The following CALN1 variants were observed in gnomAD, a reference collection of about 807,000 sequenced individuals.
CALN1 encodes calcium-binding protein 8.
CALN1 carries 17 observed loss-of-function variants against 30.6 expected under a neutral mutation model. The ratio of observed to expected loss-of-function variants is 0.56; its 90% CI spans 0.38 to 0.83. The LOEUF (loss-of-function observed/expected upper bound fraction) is 0.83. Among genes scored for constraint, CALN1 ranks in the 40% least tolerant of loss-of-function variants. The probability of loss-of-function intolerance (pLI) is 0.00; values close to 1 mark genes in which losing one functional copy is unlikely to be tolerated. For synonymous variants in CALN1, 156 were observed against 131.4 expected (o/e 1.19, Z -1.28); for missense variants, 291 against 354.9 (o/e 0.82, Z 1.45).
At chr7:72,005,471 G>C (rs1335031717) in intron 5 of CALN1, among the ~76,000 whole-genome samples, 2 of 151,986 alleles carry the variant, frequency 1.3e-5, no homozygotes, top group Admixed American at 1.3e-4. Context: ...TGGGACTACA[G>C]GCACACACCA....
At chr7:72,004,640 C>T (rs943190289) in intron 5 of CALN1, among the ~76,000 whole-genome samples, 1 of 151,550 alleles carries the variant, frequency 6.6e-6, no homozygotes, top group Admixed American at 6.6e-5. Flanking sequence ...ACATATCTGA[C>T]CAAGGAGTAG....
In CALN1 at chr7:72,361,969, T is replaced by C. The variant is rs62463226; in HGVS notation, c.119+41282A>G. On this transcript the variant is annotated intron_variant, in intron 2 of 6. Transcript: ENST00000395275. ...TTTTTTTCTTACGCAGTTTTATTCATAATTTTTTTAATGCGAGTTCTAGAT... is the reference window on the plus strand; with the variant it reads ...TTTTTTTCTTACGCAGTTTTATTCACAATTTTTTTAATGCGAGTTCTAGAT... Among the ~76,000 whole-genome samples the C allele has an allele frequency of 5.6e-3, 854 of 152,306 alleles. 2 individuals are homozygous for C. The highest frequency in any genetic ancestry group is 9.0e-3 in the Non-Finnish European group (615 of 68,014).
At chr7:72,445,370 C>T (rs142470830) in intron 1 of CALN1, among the ~76,000 whole-genome samples, 43 of 152,160 alleles carry the variant, frequency 2.8e-4, no homozygotes, top group African/African-American at 9.4e-4. Flanking sequence ...GGCCTCAGTC[C>T]GCTTCTACCC....
chr7:72,207,173 A>G (rs1473559775), intron 3 of CALN1, among the ~76,000 whole-genome samples: 3 of 152,134 alleles, frequency 2.0e-5, no homozygotes, highest in African/African-American at 7.2e-5. Context: ...GTCTTTCTAC[A>G]TTTACGCATC....
At position 72,027,726 on chromosome 7, in the gene CALN1, A is replaced by C. The variant is rs867337428; in HGVS notation, c.389-3957T>G. 5.9e-3 allele frequency among the ~76,000 whole-genome samples: 842 copies of C among 143,296 alleles called. 3 individuals are homozygous for C. Among genetic ancestry groups the C allele is most frequent in the Middle Eastern group, 0.038 (10 of 262 alleles). The allele number at this position is 143,296 out of a possible 152,430, so 94.0% of individuals were successfully genotyped here. A position where few individuals can be genotyped will look rare whatever the true frequency, so the allele number is the denominator to read the frequency against. On this transcript the variant is annotated intron_variant, in intron 4 of 6. Transcript: ENST00000395275. ...GACCCTGTCTCAAAACAAACAAACA[A>C]ACACACACACACACACACACACACA...
At chr7:72,070,921 G>C (rs1160397906) in intron 4 of CALN1, among the ~76,000 whole-genome samples, 1 of 152,152 alleles carries the variant, frequency 6.6e-6, no homozygotes, top group Non-Finnish European at 1.5e-5. Flanking sequence ...AGGCTTAATT[G>C]AGTTCACCCA....
chr7:72,193,232 G>A (rs113229017), intron 3 of CALN1, among the ~76,000 whole-genome samples: 7,158 of 151,944 alleles, frequency 0.047, 250 homozygotes, highest in African/African-American at 0.095. Flanking sequence ...ATGTGTGGTG[G>A]TGCACAACTG....
intron 3 of CALN1, among the ~76,000 whole-genome samples, chr7:72,122,296 T>C (rs1402668488): frequency 6.6e-6 from 1 of 152,186 alleles, no homozygotes; most frequent in African/African-American, 2.4e-5. Context: ...AAAATCATTT[T>C]GTGGATTTAG....
chr7:72,029,818 T>C (rs142139524), intron 4 of CALN1, among the ~76,000 whole-genome samples: 1 of 152,354 alleles, frequency 6.6e-6, no homozygotes, highest in East Asian at 1.9e-4. Context: ...TATTCTTTTC[T>C]AACAAATGGG....
chr7:72,344,675 T>C (rs1023209647), intron 2 of CALN1, among the ~76,000 whole-genome samples: 7 of 147,122 alleles, frequency 4.8e-5, no homozygotes, highest in Non-Finnish European at 1.0e-4. Context: ...TATATTTTAT[T>C]TATGTATATA....
intron 3 of CALN1, among the ~76,000 whole-genome samples, chr7:72,221,760 T>C (rs371008400): frequency 6.7e-6 from 1 of 150,004 alleles, no homozygotes; most frequent in African/African-American, 2.5e-5. Flanking sequence ...CATGGTGGCA[T>C]GTGCCTGTAA....
At chr7:71,810,226 AC>A (rs1787867788) in intron 6 of CALN1, 109 bp downstream of exon 6, 1 of 1,239,804 alleles carries the variant, frequency 8.1e-7, no homozygotes, top group Non-Finnish European at 1.1e-6. Flanking sequence ...TGGCTTCAGT[AC>A]AAGGGAACAT....
At chr7:71,992,946 T>C (rs989714670) in intron 5 of CALN1, among the ~76,000 whole-genome samples, 1 of 152,160 alleles carries the variant, frequency 6.6e-6, no homozygotes, top group African/African-American at 2.4e-5. Context: ...CTGATGAAAC[T>C]TACAGGGAAA....
chr7:72,299,069 G>A (rs1432500146), intron 2 of CALN1, among the ~76,000 whole-genome samples: 1 of 152,106 alleles, frequency 6.6e-6, no homozygotes, highest in Non-Finnish European at 1.5e-5. Context: ...TCACTGGAAG[G>A]TACCACAGTA....
intron 5 of CALN1, among the ~76,000 whole-genome samples, chr7:71,974,815 G>A (rs896484795): frequency 4.6e-5 from 7 of 152,198 alleles, no homozygotes; most frequent in African/African-American, 7.2e-5. Flanking sequence ...CCTGGCCTAC[G>A]GCTCTGTAGC....
At chr7:72,290,169 A>G (rs918133702) in intron 2 of CALN1, among the ~76,000 whole-genome samples, 2 of 148,374 alleles carry the variant, frequency 1.3e-5, no homozygotes, top group Non-Finnish European at 3.0e-5. Context: ...TTAAAATTTA[A>G]AAGTGGGCTC....
At chr7:72,417,317 T>C (rs73702941), upstream of CALN1, among the ~76,000 whole-genome samples, 2,905 of 152,248 alleles carry the variant, frequency 0.019, 76 homozygotes, top group African/African-American at 0.064. Flanking sequence ...ACTCCACCTT[T>C]CCATCCCAAA....
chr7:72,389,689 G>A (rs536766857), intron 2 of CALN1, among the ~76,000 whole-genome samples: 64 of 152,308 alleles, frequency 4.2e-4, no homozygotes, highest in African/African-American at 1.4e-3. Context: ...GGAGGCTGAG[G>A]CAAGTGGATC....
chr7:71,918,635 C>G (rs1476979767), intron 5 of CALN1, among the ~76,000 whole-genome samples: 1 of 152,164 alleles, frequency 6.6e-6, no homozygotes, highest in Non-Finnish European at 1.5e-5. Context: ...GTGTGGGAAG[C>G]AAAGACCCCC....
Sources: allele counts gnomAD v4.1 joint callset (sites outside exome capture counted in the v4.1 genomes callset), GRCh38; gene constraint gnomAD v4.1.1; transcripts MANE v1.5; gene names NCBI Gene and HGNC (gene_info 2026-07-23, HGNC 2026-07-21).